ARHGAP32: variants seen among roughly 807,000 people sequenced by gnomAD.
The protein encoded by ARHGAP32 is rho GTPase-activating protein 32.
ARHGAP32 carries 51 observed loss-of-function variants against 186.5 expected under a neutral mutation model. The observed-to-expected ratio is 0.27, with a 90% confidence interval of 0.22 to 0.35. The LOEUF is 0.35. Among genes scored for constraint, ARHGAP32 ranks in the 10% least tolerant of loss-of-function variants. The pLI is 1.00. For missense variants in ARHGAP32, 2,186 were observed against 2,623.5 expected (o/e 0.83, Z 3.64); for synonymous variants, 950 against 964.3 (o/e 0.99, Z 0.27).
chr11:129,150,334 C>T (rs1294407329), intron 2 of ARHGAP32, among the ~76,000 whole-genome samples: 1 of 152,098 alleles, frequency 6.6e-6, no homozygotes, highest in Non-Finnish European at 1.5e-5. Context: ...GAAATATTCA[C>T]CGCAAAAAAA....
At chr11:128,979,120 C>T (rs1278004769) in intron 18 of ARHGAP32, among the ~76,000 whole-genome samples, 3 of 152,058 alleles carry the variant, frequency 2.0e-5, no homozygotes, top group African/African-American at 4.8e-5. Flanking sequence ...GATTTTAGTA[C>T]TAGTAAATAT....
chr11:128,991,532 TAA>T (rs939410242), intron 12 of ARHGAP32, among the ~76,000 whole-genome samples: 1 of 151,938 alleles, frequency 6.6e-6, no homozygotes, highest in African/African-American at 2.4e-5. Flanking sequence ...ATATATTTTG[TAA>T]AAAAAATCCT....
intron 1 of ARHGAP32, among the ~76,000 whole-genome samples, chr11:129,200,384 G>A (rs1182106919): frequency 1.3e-5 from 2 of 152,176 alleles, no homozygotes; most frequent in East Asian, 3.9e-4. Flanking sequence ...GACCCAGTGG[G>A]TGATAACTGA....
chr11:129,060,336 C>CATAG (rs60434028), intron 10 of ARHGAP32, among the ~76,000 whole-genome samples: 24,711 of 148,372 alleles, frequency 0.17, 2,009 homozygotes, highest in African/African-American at 0.18. Flanking sequence ...AGGTGTTACA[C>CATAG]ATAGATAGAT....
chr11:129,109,203 C>T (rs1408589160), intron 5 of ARHGAP32, among the ~76,000 whole-genome samples: 1 of 152,046 alleles, frequency 6.6e-6, no homozygotes, highest in Non-Finnish European at 1.5e-5. Flanking sequence ...ACCTTCAGTT[C>T]CATCCATGTT....
chr11:129,170,246 C>A (rs12271127), intron 1 of ARHGAP32, among the ~76,000 whole-genome samples: 4 of 150,092 alleles, frequency 2.7e-5, no homozygotes, highest in African/African-American at 7.4e-5. Context: ...ATGCAGAATG[C>A]GCAGGTTTGT....
At chr11:129,167,110 A>G (rs914755166) in intron 1 of ARHGAP32, among the ~76,000 whole-genome samples, 1 of 152,172 alleles carries the variant, frequency 6.6e-6, no homozygotes. Flanking sequence ...AATCTAAGAG[A>G]AGGCAGGAAA....
Position 128,973,226 on chromosome 11 carries a change from T to C in ARHGAP32, c.3280A>G (p.Thr1094Ala), listed in dbSNP as rs1395787191. The C allele has an allele frequency of 1.9e-6, 3 of 1,613,960 alleles. No homozygotes were observed. The African/African-American group carries it at 4.0e-5, about 22-fold the overall frequency. ...TNYGDIAVATTEDNLSSSYSA... is the reference protein window; with the variant it reads ...TNYGDIAVATAEDNLSSSYSA... ...TAAGAACTGGACAGATTATCTTCAGTTGTAGCCACCGCTATGTCTCCATAA... is the reference window on the plus strand; with the variant it reads ...TAAGAACTGGACAGATTATCTTCAGCTGTAGCCACCGCTATGTCTCCATAA... Residue 1094 changes from threonine to alanine, a missense_variant, in exon 22 of 23, where the codon ACT becomes GCT. Coordinates refer to ENST00000682385, the MANE Select transcript of ARHGAP32 (RefSeq NM_001378024.1).
chr11:129,136,083 A>G (rs55728623), intron 2 of ARHGAP32, among the ~76,000 whole-genome samples: 1 of 152,298 alleles, frequency 6.6e-6, no homozygotes, highest in African/African-American at 2.4e-5. Context: ...CAGATAAATG[A>G]CTAGTGCCCA....
upstream of ARHGAP32, among the ~76,000 whole-genome samples, chr11:129,195,070 G>A (rs757414108): frequency 4.6e-5 from 7 of 151,874 alleles, no homozygotes; most frequent in Non-Finnish European, 1.0e-4. Context: ...CCCAGTTCAG[G>A]CAATCCTCCT....
At chr11:129,251,835 T>C (rs1945188841) in intron 1 of ARHGAP32, among the ~76,000 whole-genome samples, 1 of 150,690 alleles carries the variant, frequency 6.6e-6, no homozygotes, top group African/African-American at 2.4e-5. Context: ...TCGGGGAGGC[T>C]GATGCAGGAG....
chr11:129,026,603 G>A (rs1047622859), intron 11 of ARHGAP32, among the ~76,000 whole-genome samples: 4 of 151,970 alleles, frequency 2.6e-5, no homozygotes, highest in Non-Finnish European at 4.4e-5. Flanking sequence ...AGACCAGCCT[G>A]GCCAATATGG....
intron 10 of ARHGAP32, among the ~76,000 whole-genome samples, chr11:129,059,263 GT>G (rs1199619475): frequency 7.9e-5 from 12 of 152,050 alleles, no homozygotes; most frequent in Non-Finnish European, 1.8e-4. Flanking sequence ...CTCAAAAACT[GT>G]TTTCTCTCCA....
chr11:129,190,600 CAG>C (rs1388506488), intron 1 of ARHGAP32, among the ~76,000 whole-genome samples: 3 of 152,166 alleles, frequency 2.0e-5, no homozygotes, highest in African/African-American at 7.2e-5. Flanking sequence ...AAGAAAATCC[CAG>C]AGAGACGCCC....
rs563679694 is a variant in ARHGAP32, at chr11:129,177,536, T to C, written c.117-13109A>G. Among the ~76,000 whole-genome samples, 31 of 152,202 alleles carry C rather than the reference T, an allele frequency of 2.0e-4. No individual in the cohort carries two copies. The South Asian group carries it at 6.4e-3, about 32-fold the overall frequency. On this transcript the variant is annotated intron_variant, in intron 1 of 22. Transcript: ENST00000682385. ...TGATGAACATTGATGCAAAAACCCT[T>C]AATAAAATACTGGCAAACTGAATCC...
intron 2 of ARHGAP32, among the ~76,000 whole-genome samples, chr11:129,154,376 C>CGG (rs1943355807): frequency 6.6e-6 from 1 of 152,148 alleles, no homozygotes; most frequent in African/African-American, 2.4e-5. Context: ...AATTCCACCT[C>CGG]TGGATCTCTA....
chr11:129,086,630 G>T (rs1423906790), intron 6 of ARHGAP32, among the ~76,000 whole-genome samples: 5 of 152,010 alleles, frequency 3.3e-5, no homozygotes, highest in Admixed American at 6.5e-5. Context: ...GACCATCCCG[G>T]CTAGCACGGT....
chr11:129,172,087 C>G (rs531249688), intron 1 of ARHGAP32, among the ~76,000 whole-genome samples: 5 of 152,236 alleles, frequency 3.3e-5, no homozygotes, highest in African/African-American at 1.2e-4. Flanking sequence ...ACTGGGTTTT[C>G]TAAATATAAA....
At chr11:129,105,982 C>T (rs1942037235) in intron 5 of ARHGAP32, among the ~76,000 whole-genome samples, 1 of 152,016 alleles carries the variant, frequency 6.6e-6, no homozygotes, top group African/African-American at 2.4e-5. Context: ...CCAAAAGGTA[C>T]AATAACTAAA....
Sources: allele counts gnomAD v4.1 joint callset (sites outside exome capture counted in the v4.1 genomes callset), GRCh38; gene constraint gnomAD v4.1.1; transcripts MANE v1.5; gene names NCBI Gene and HGNC (gene_info 2026-07-23, HGNC 2026-07-21).